The following DLGAP2 variants were observed in gnomAD, a reference collection of about 807,000 sequenced individuals.
DLGAP2 encodes the protein DLG associated protein 2.
Under a neutral mutation model 100.3 loss-of-function variants are expected in DLGAP2, and 26 were observed. That is an observed-to-expected ratio of 0.26 (90% CI 0.19 to 0.36). The LOEUF (loss-of-function observed/expected upper bound fraction) is 0.36. DLGAP2 is among the 10% of genes least tolerant of loss of function. The probability of loss-of-function intolerance (pLI) is 1.00; values close to 1 mark genes in which losing one functional copy is unlikely to be tolerated. For synonymous variants in DLGAP2, 886 were observed against 630.1 expected (o/e 1.41, Z -6.08); for missense variants, 1,858 against 1,453.2 (o/e 1.28, Z -4.53).
intron 3 of DLGAP2, among the ~76,000 whole-genome samples, chr8:1,306,998 A>G (rs6558441): frequency 0.61 from 91,867 of 151,666 alleles, 29,092 homozygotes; most frequent in African/African-American, 0.79. Flanking sequence ...GATCTTGGAT[A>G]CCAAAAGTAC....
chr8:1,236,214 CGCCGTGTCT>C (rs1563270873), intron 2 of DLGAP2, among the ~76,000 whole-genome samples: 43 of 78,160 alleles, frequency 5.5e-4, no homozygotes, highest in Non-Finnish European at 8.2e-4. Context: ...TCTCACATGG[CGCCGTGTCT>C]AGTTCTCTCA....
intron 1 of DLGAP2, among the ~76,000 whole-genome samples, chr8:887,213 C>A (rs1354531682): frequency 6.7e-6 from 1 of 148,796 alleles, no homozygotes; most frequent in Non-Finnish European, 1.5e-5. Flanking sequence ...TTTTTGCTTT[C>A]CATTTGCTTG....
intron 1 of DLGAP2, among the ~76,000 whole-genome samples, chr8:844,656 G>A (rs1797041752): frequency 6.6e-6 from 1 of 152,206 alleles, no homozygotes; most frequent in Non-Finnish European, 1.5e-5. Flanking sequence ...ACATGGATTA[G>A]TTTTGCTTGT....
intron 2 of DLGAP2, among the ~76,000 whole-genome samples, chr8:1,206,718 G>GTA (rs1798003295): frequency 1.3e-5 from 2 of 152,198 alleles, no homozygotes; most frequent in Admixed American, 6.5e-5. Flanking sequence ...GCCTGGCACA[G>GTA]TCCTTAGCTG....
chr8:946,546 A>C (rs991719393), intron 2 of DLGAP2, among the ~76,000 whole-genome samples: 3 of 152,030 alleles, frequency 2.0e-5, no homozygotes, highest in Non-Finnish European at 2.9e-5. Flanking sequence ...TACAGGCGTG[A>C]GCCACCGCGC....
At chr8:989,496 G>A (rs1800592398) in intron 2 of DLGAP2, among the ~76,000 whole-genome samples, 3 of 152,266 alleles carry the variant, frequency 2.0e-5, no homozygotes, top group Non-Finnish European at 4.4e-5. Flanking sequence ...AGCTGCAGTC[G>A]ACGGAAATAC....
chr8:1,511,482 A>G lies in DLGAP2; in HGVS notation c.172+10051A>G, dbSNP rs201363638. Among the ~76,000 whole-genome samples the G allele has an allele frequency of 2.5e-4, 37 of 145,250 alleles. 1 individual carries two copies. The highest frequency in any genetic ancestry group is 1.5e-3 in the East Asian group (7 of 4,578). On this transcript the variant is annotated intron_variant, in intron 4 of 14. Coordinates refer to ENST00000637795, the MANE Select transcript of DLGAP2 (RefSeq NM_001346810.2). ...AGGGCTGTCTAGTGTAGGACAATCA[A>G]TAGATGACCATCTTCCATGGGCGTA...
chr8:1,332,935 C>A (rs1336444059), intron 3 of DLGAP2, among the ~76,000 whole-genome samples: 1 of 152,138 alleles, frequency 6.6e-6, no homozygotes, highest in Non-Finnish European at 1.5e-5. Context: ...CCTCAGAGAG[C>A]CCCCAGCAGC....
chr8:1,559,175 A>G (rs1339594360), intron 5 of DLGAP2, among the ~76,000 whole-genome samples: 1 of 152,202 alleles, frequency 6.6e-6, no homozygotes, highest in East Asian at 1.9e-4. Flanking sequence ...CACTAGGTAC[A>G]AGGAGGTAAT....
intron 2 of DLGAP2, among the ~76,000 whole-genome samples, chr8:1,030,182 C>A (rs1016113250): frequency 6.6e-6 from 1 of 152,332 alleles, no homozygotes; most frequent in African/African-American, 2.4e-5. Flanking sequence ...AGATCCAGCT[C>A]TTGCTAACAG....
chr8:1,092,728 C>T (rs1804226046), intron 2 of DLGAP2, among the ~76,000 whole-genome samples: 1 of 152,176 alleles, frequency 6.6e-6, no homozygotes, highest in Admixed American at 6.5e-5. Flanking sequence ...AACCTGAGGT[C>T]CCGACTTGGC....
intron 12 of DLGAP2, among the ~76,000 whole-genome samples, chr8:1,690,033 A>C (rs1433990345): frequency 6.6e-6 from 1 of 152,168 alleles, no homozygotes; most frequent in Non-Finnish European, 1.5e-5. Context: ...GCTGTTTACA[A>C]AGTGGTGACC....
At chr8:1,331,162 C>T (rs1349746270) in intron 3 of DLGAP2, among the ~76,000 whole-genome samples, 1 of 152,226 alleles carries the variant, frequency 6.6e-6, no homozygotes, top group Non-Finnish European at 1.5e-5. Context: ...TCACAGTGCA[C>T]TGGGGGAAGT....
chr8:1,280,990 C>CCTT, intron 3 of DLGAP2, among the ~76,000 whole-genome samples: 2 of 152,330 alleles, frequency 1.3e-5, no homozygotes, highest in South Asian at 2.1e-4. Context: ...GGAATCCTTA[C>CCTT]GATAGCTCCA....
intron 3 of DLGAP2, among the ~76,000 whole-genome samples, chr8:1,260,396 G>A (rs569319648): frequency 7.3e-4 from 111 of 152,076 alleles, no homozygotes; most frequent in Admixed American, 1.7e-3. Flanking sequence ...CTTGCTCTTC[G>A]TCTACTTGTT....
intron 2 of DLGAP2, among the ~76,000 whole-genome samples, chr8:1,003,460 T>C (rs1034517762): frequency 9.2e-5 from 14 of 152,350 alleles, no homozygotes; most frequent in African/African-American, 3.4e-4. Context: ...CATGGGTGGA[T>C]GGAATATTTA....
chr8:976,321 C>G (rs1324971757), intron 2 of DLGAP2, among the ~76,000 whole-genome samples: 1 of 152,150 alleles, frequency 6.6e-6, no homozygotes, highest in Non-Finnish European at 1.5e-5. Context: ...AGAAAATAGA[C>G]TCAGTGCAGG....
chr8:892,979 G>A (rs1183376390), intron 1 of DLGAP2: 1 of 148,822 alleles, frequency 6.7e-6, no homozygotes, highest in African/African-American at 2.5e-5. Context: ...GTCTGTGGTT[G>A]TGCAAACAAT....
rs1243956294 is a variant in DLGAP2 at position 1,356,655 on chromosome 8, G to A, written c.106+97772G>A. On this transcript the variant is annotated intron_variant, in intron 3 of 14. Transcript: ENST00000637795. ...ACAGACAGTGGGATATGGTGAAACC[G>A]TGACGGTTGGTGAATGAGGTGAGTA... Among the ~76,000 whole-genome samples the A allele has an allele frequency of 4.6e-5, 7 of 152,152 alleles. No homozygotes were observed. The East Asian group carries it at 7.7e-4, about 17-fold the overall frequency.
Sources: allele counts gnomAD v4.1 joint callset (sites outside exome capture counted in the v4.1 genomes callset), GRCh38; gene constraint gnomAD v4.1.1; transcripts MANE v1.5; gene names NCBI Gene and HGNC (gene_info 2026-07-23, HGNC 2026-07-21).